TBC1D8: variants seen among roughly 807,000 people sequenced by gnomAD.
The protein encoded by TBC1D8 is BUB2-like protein 1.
Under a neutral mutation model 118.8 loss-of-function variants are expected in TBC1D8, and 65 were observed. The ratio of observed to expected loss-of-function variants is 0.55; its 90% CI spans 0.45 to 0.67. TBC1D8 has a LOEUF of 0.67. Ranked by LOEUF, TBC1D8 falls within the 30% of genes least tolerant of loss-of-function variation. The pLI is 0.00. For missense variants in TBC1D8, 1,376 were observed against 1,471.2 expected (o/e 0.94, Z 1.06); for synonymous variants, 566 against 595.8 (o/e 0.95, Z 0.73).
At chr2:101,124,318 T>C (rs1678260389) in intron 1 of TBC1D8, among the ~76,000 whole-genome samples, 1 of 152,200 alleles carries the variant, frequency 6.6e-6, no homozygotes, top group Admixed American at 6.5e-5. Context: ...ATCTAAGCAG[T>C]GGGTGACTAA....
intron 17 of TBC1D8, among the ~76,000 whole-genome samples, chr2:101,014,185 A>G (rs533404667): frequency 6.6e-6 from 1 of 151,904 alleles, no homozygotes; most frequent in African/African-American, 2.4e-5. Context: ...GCAGTCTTTT[A>G]ATTTCGCAAA....
At chr2:101,146,770 T>G (rs1330654494) in intron 1 of TBC1D8, among the ~76,000 whole-genome samples, 1 of 152,208 alleles carries the variant, frequency 6.6e-6, no homozygotes, top group East Asian at 1.9e-4. Flanking sequence ...TAATACACGG[T>G]ACCACCACAG....
Position 101,050,445 on chromosome 2 carries a change from A to T in TBC1D8, c.828T>A (p.Phe276Leu). 1 of 1,613,848 alleles carries T rather than the reference A, an allele frequency of 6.2e-7. No homozygotes were observed. The highest frequency in any genetic ancestry group is 8.5e-7 in the Non-Finnish European group (1 of 1,179,886). The stretch of plus-strand genomic sequence containing the variant: ...GCTCCTGCAGATCGGGGTCGAGGTC[A>T]AAGACCTCATTATCCAGCAGCCTTC... ...TLRRLLDNEV[F>L]DLDPDLQEPS... The change falls in exon 5 of 20, where the codon TTT becomes TTA. Residue 276 changes from phenylalanine to leucine, a missense_variant. Transcript: ENST00000409318.
chr2:101,102,139 T>C (rs1276834907), intron 1 of TBC1D8, among the ~76,000 whole-genome samples: 1 of 152,066 alleles, frequency 6.6e-6, no homozygotes, highest in Admixed American at 6.6e-5. Flanking sequence ...ACATAGTAGA[T>C]ATTAATCCAA....
chr2:101,022,972 G>A (rs1364064432), intron 15 of TBC1D8, among the ~76,000 whole-genome samples: 6 of 151,592 alleles, frequency 4.0e-5, no homozygotes, highest in Admixed American at 1.3e-4. Flanking sequence ...GTGAAACCCC[G>A]TCTCTACTAA....
intron 14 of TBC1D8, 103 bp downstream of exon 14, chr2:101,027,945 T>C: frequency 2.0e-6 from 2 of 977,252 alleles, no homozygotes; most frequent in Non-Finnish European, 3.2e-6. Flanking sequence ...AAAATATATA[T>C]ATACATTTTT....
chr2:101,016,392 T>G (rs1211223507), intron 17 of TBC1D8, among the ~76,000 whole-genome samples: 1 of 151,966 alleles, frequency 6.6e-6, no homozygotes, highest in East Asian at 1.9e-4. Flanking sequence ...TCACACCAGT[T>G]AGAATGGCAA....
At position 101,008,016 on chromosome 2, in the gene TBC1D8, C is replaced by T. The variant is rs766672296; in HGVS notation, c.3273G>A (p.Ala1091=). The change falls in exon 20 of 20, where the codon GCG becomes GCA. Residue 1091 remains alanine, a synonymous_variant. Transcript: ENST00000409318. ...TPQDSQAFPE[A]AERDWTVSLE... ...GGGAGACAGTCCAGTCCCTTTCTGC[C>T]GCCTCTGGAAATGCCTGGGAGTCCT... The T allele has an allele frequency of 6.8e-6, 11 of 1,613,838 alleles. No individual in the cohort carries two copies. The highest frequency in any genetic ancestry group is 5.5e-5 in the South Asian group (5 of 91,072).
At chr2:101,069,429 A>T (rs1683187584) in intron 2 of TBC1D8, among the ~76,000 whole-genome samples, 1 of 152,096 alleles carries the variant, frequency 6.6e-6, no homozygotes, top group Non-Finnish European at 1.5e-5. Context: ...TCTACTAAAA[A>T]TACAAAATTT....
intron 1 of TBC1D8, among the ~76,000 whole-genome samples, chr2:101,117,818 G>A (rs565334765): frequency 2.7e-5 from 4 of 149,706 alleles, no homozygotes; most frequent in African/African-American, 9.9e-5. Context: ...CTTGTGATCC[G>A]CCCGGCTCGG....
chr2:101,106,057 G>C (rs949298217), intron 1 of TBC1D8, among the ~76,000 whole-genome samples: 1 of 151,644 alleles, frequency 6.6e-6, no homozygotes, highest in Non-Finnish European at 1.5e-5. Context: ...AAAATCTATC[G>C]AGCCATGACT....
At chr2:101,093,366 T>A (rs1558694692) in intron 1 of TBC1D8, among the ~76,000 whole-genome samples, 1 of 152,110 alleles carries the variant, frequency 6.6e-6, no homozygotes, top group African/African-American at 2.4e-5. Flanking sequence ...CATACTTACA[T>A]ACACACACAC....
intron 2 of TBC1D8, among the ~76,000 whole-genome samples, chr2:101,086,006 G>T (rs527493966): frequency 1.3e-5 from 2 of 152,246 alleles, no homozygotes; most frequent in South Asian, 4.2e-4. Context: ...GCTGGGCGTG[G>T]TGGCGGGTGC....
At chr2:101,088,085 C>T (rs1675756989) in intron 2 of TBC1D8, among the ~76,000 whole-genome samples, 1 of 152,146 alleles carries the variant, frequency 6.6e-6, no homozygotes, top group Admixed American at 6.5e-5. Flanking sequence ...TGTTATAAAA[C>T]CACTGACACA....
intron 1 of TBC1D8, 104 bp downstream of exon 1, chr2:101,151,023 A>C: frequency 1.2e-6 from 1 of 846,484 alleles, no homozygotes; most frequent in Non-Finnish European, 1.4e-6. Flanking sequence ...CGCGTCTCCC[A>C]AGAAATCGCC....
At chr2:101,045,764 C>T (rs1415888837) in intron 5 of TBC1D8, among the ~76,000 whole-genome samples, 2 of 152,064 alleles carry the variant, frequency 1.3e-5, no homozygotes, top group African/African-American at 2.4e-5. Context: ...GAGGCCGAGG[C>T]GAGAGGATCA....
intron 2 of TBC1D8, among the ~76,000 whole-genome samples, chr2:101,074,153 A>C (rs950259153): frequency 2.0e-5 from 3 of 152,220 alleles, no homozygotes; most frequent in East Asian, 1.9e-4. Context: ...TCAGCACTAG[A>C]GGCCATTGTA....
chr2:101,028,621 G>C, intron 12 of TBC1D8, 189 bp from the exon 13 acceptor site: 1 of 762,112 alleles, frequency 1.3e-6, no homozygotes, highest in Middle Eastern at 2.6e-4. Context: ...TGTGGATTGG[G>C]CTCCACAGGT....
intron 2 of TBC1D8, among the ~76,000 whole-genome samples, chr2:101,077,463 G>A (rs1674918415): frequency 6.6e-6 from 1 of 152,130 alleles, no homozygotes; most frequent in Non-Finnish European, 1.5e-5. Context: ...TAGCCAGGAT[G>A]GTCTTGATCT....
Sources: allele counts gnomAD v4.1 joint callset (sites outside exome capture counted in the v4.1 genomes callset), GRCh38; gene constraint gnomAD v4.1.1; transcripts MANE v1.5; gene names NCBI Gene and HGNC (gene_info 2026-07-23, HGNC 2026-07-21).